The following GPHN variants were observed in gnomAD, a reference collection of about 807,000 sequenced individuals.
GPHN encodes gephyrin.
GPHN carries 17 observed loss-of-function variants against 95.5 expected under a neutral mutation model. That is an observed-to-expected ratio of 0.18 (90% CI 0.12 to 0.27). The LOEUF (loss-of-function observed/expected upper bound fraction) is 0.27. Ranked by LOEUF, GPHN falls within the 10% of genes least tolerant of loss-of-function variation. The probability of loss-of-function intolerance (pLI) is 1.00; values close to 1 mark genes in which losing one functional copy is unlikely to be tolerated. For synonymous variants in GPHN, 320 were observed against 322.5 expected (o/e 0.99, Z 0.08); for missense variants, 660 against 978.1 (o/e 0.67, Z 4.34).
At chr14:66,596,639 G>C (rs777659584) in intron 1 of GPHN, among the ~76,000 whole-genome samples, 2 of 152,192 alleles carry the variant, frequency 1.3e-5, no homozygotes, top group Non-Finnish European at 2.9e-5. Context: ...CTTCAAAATT[G>C]GAGCGGGTGT....
At chr14:67,502,832 C>A in the GPHN span, among the ~76,000 whole-genome samples, 9 of 152,226 alleles carry the variant, frequency 5.9e-5, no homozygotes, top group South Asian at 1.5e-3. Flanking sequence ...AACCAACCAA[C>A]TTTATTAAAT....
intron 4 of GPHN, among the ~76,000 whole-genome samples, chr14:66,860,984 C>T (rs546931817): frequency 1.3e-4 from 20 of 151,558 alleles, no homozygotes; most frequent in Non-Finnish European, 2.4e-4. Context: ...AAGAGAAGAC[C>T]ACAAAACAAC....
At chr14:66,535,054 C>G (rs1051612773) in intron 1 of GPHN, among the ~76,000 whole-genome samples, 3 of 151,932 alleles carry the variant, frequency 2.0e-5, no homozygotes, top group Non-Finnish European at 4.4e-5. Flanking sequence ...AAATCTTTGC[C>G]TATTACAGGA....
the GPHN span, among the ~76,000 whole-genome samples, chr14:67,663,842 C>T: frequency 6.6e-6 from 1 of 152,130 alleles, no homozygotes; most frequent in African/African-American, 2.4e-5. Context: ...GTTCTGGTGC[C>T]AGGTTCGGGC....
At chr14:67,566,590 A>G in the GPHN span, among the ~76,000 whole-genome samples, 1,338 of 152,216 alleles carry the variant, frequency 8.8e-3, 26 homozygotes, top group African/African-American at 0.031. Context: ...ACCAAAAAAG[A>G]TACAAAAATT....
intron 5 of GPHN, among the ~76,000 whole-genome samples, chr14:66,881,937 G>T (rs1387089663): frequency 1.3e-4 from 19 of 151,700 alleles, no homozygotes; most frequent in Non-Finnish European, 2.7e-4. Flanking sequence ...ATAAACTTTG[G>T]AACAGACATA....
At chr14:67,631,434 C>CTTTTTT in the GPHN span, among the ~76,000 whole-genome samples, 3 of 113,130 alleles carry the variant, frequency 2.7e-5, no homozygotes, top group Non-Finnish European at 5.1e-5. Flanking sequence ...TTCTTTCTTT[C>CTTTTTT]TTTTTTTTTT....
the GPHN span, among the ~76,000 whole-genome samples, chr14:67,193,322 A>C: frequency 1.4e-5 from 2 of 138,790 alleles, no homozygotes; most frequent in Admixed American, 1.5e-4. Context: ...ATAGATATCT[A>C]TATATCTCTA....
chr14:67,643,300 T>C, the GPHN span, among the ~76,000 whole-genome samples: 79 of 152,314 alleles, frequency 5.2e-4, no homozygotes, highest in African/African-American at 1.8e-3. Context: ...AACAAAAATA[T>C]TGAATTCTAC....
chr14:67,571,681 T>G, the GPHN span: 1 of 1,518,130 alleles, frequency 6.6e-7, no homozygotes. Flanking sequence ...GGACCAGGAG[T>G]GCAAGCTGCA....
chr14:66,817,768 T>C (rs1195520095), intron 3 of GPHN, among the ~76,000 whole-genome samples: 1 of 152,182 alleles, frequency 6.6e-6, no homozygotes, highest in Non-Finnish European at 1.5e-5. Context: ...TTCCCTTGTC[T>C]AGCCCAGCCT....
chr14:67,041,260 TA>T (rs1283506084), intron 10 of GPHN, among the ~76,000 whole-genome samples: 4 of 151,884 alleles, frequency 2.6e-5, no homozygotes, highest in African/African-American at 9.7e-5. Flanking sequence ...GGTACATGTG[TA>T]GAAGGTGCAC....
intron 2 of GPHN, among the ~76,000 whole-genome samples, chr14:66,727,177 G>T (rs1396610909): frequency 1.3e-5 from 2 of 152,188 alleles, no homozygotes; most frequent in Non-Finnish European, 2.9e-5. Context: ...TGCCATCTTA[G>T]TAAGACGTGA....
chr14:66,513,222 A>G (rs1294060866), intron 1 of GPHN, among the ~76,000 whole-genome samples: 5 of 151,866 alleles, frequency 3.3e-5, no homozygotes, highest in African/African-American at 9.7e-5. Flanking sequence ...TAACTATATT[A>G]AAAACACATG....
At chr14:67,592,746 G>A in the GPHN span, 1 of 1,313,738 alleles carries the variant, frequency 7.6e-7, no homozygotes, top group Non-Finnish European at 1.1e-6. Flanking sequence ...AAATAGCAAA[G>A]TCTAAGTGAA....
chr14:66,956,702 C>T (rs541760716), intron 8 of GPHN, among the ~76,000 whole-genome samples: 1 of 152,096 alleles, frequency 6.6e-6, no homozygotes, highest in South Asian at 2.1e-4. Flanking sequence ...AGTGTCTGTT[C>T]ATGACCTTTG....
chr14:67,161,613 T>C lies in GPHN; in HGVS notation c.1910+2125T>C. 1.3e-5 allele frequency among the ~76,000 whole-genome samples: 2 copies of C among 151,868 alleles called. 1 individual carries two copies. On this transcript the variant is annotated intron_variant, in intron 19 of 22. Transcript: ENST00000478722. ...CCGTCTCTACAAAAAATACAAAAAT[T>C]AGTCAGGTGTGGTGGCACATGCCTG...
intron 4 of GPHN, among the ~76,000 whole-genome samples, chr14:66,870,600 T>G (rs1376883212): frequency 2.6e-5 from 4 of 152,156 alleles, no homozygotes; most frequent in Non-Finnish European, 1.5e-5. Flanking sequence ...TTAGATGGCT[T>G]ACCCAAATAC....
chr14:66,625,765 G>A (rs1257370452), intron 1 of GPHN, among the ~76,000 whole-genome samples: 1 of 152,028 alleles, frequency 6.6e-6, no homozygotes, highest in Non-Finnish European at 1.5e-5. Context: ...AATCCTTTTT[G>A]TTTGTTACTG....
Sources: gnomAD v4.1 joint callset for allele counts (sites outside exome capture counted in the v4.1 genomes callset) on GRCh38, gnomAD v4.1.1 for gene constraint, MANE v1.5 for transcripts, NCBI Gene and HGNC (gene_info 2026-07-23, HGNC 2026-07-21) for gene names.